SLX4IP: variants seen among roughly 807,000 people sequenced by gnomAD.
SLX4IP encodes protein SLX4IP.
A neutral mutation model predicts 32.9 loss-of-function variants in SLX4IP; 34 were observed. The ratio of observed to expected loss-of-function variants is 1.03; its 90% CI spans 0.79 to 1.38. SLX4IP has a LOEUF of 1.38. Among genes scored for constraint, SLX4IP ranks in the 40% most tolerant of loss-of-function variants. SLX4IP has a pLI of 0.00. For synonymous variants in SLX4IP, 172 were observed against 171.7 expected, an observed-to-expected ratio of 1.00 and a Z score of -0.01; for missense variants, 444 against 479.0, an observed-to-expected ratio of 0.93 and a Z score of 0.68.
At chr20:10,492,916 C>A (rs1277993625) in intron 2 of SLX4IP, among the ~76,000 whole-genome samples, 1 of 152,034 alleles carries the variant, frequency 6.6e-6, no homozygotes, top group Non-Finnish European at 1.5e-5. Flanking sequence ...TACACATTAT[C>A]ATTTGTCTCT....
At chr20:10,463,848 C>T (rs1472167365) in intron 2 of SLX4IP, among the ~76,000 whole-genome samples, 1 of 152,094 alleles carries the variant, frequency 6.6e-6, no homozygotes, top group Non-Finnish European at 1.5e-5. Context: ...GTGGCACAGT[C>T]ATAACTCACT....
chr20:10,471,237 C>A (rs1300980358), intron 2 of SLX4IP, among the ~76,000 whole-genome samples: 14 of 152,128 alleles, frequency 9.2e-5, no homozygotes, highest in East Asian at 1.9e-4. Context: ...TAGTCTAATT[C>A]TTTTCATATG....
chr20:10,485,743 T>C (rs2065567093), intron 2 of SLX4IP, among the ~76,000 whole-genome samples: 1 of 152,194 alleles, frequency 6.6e-6, no homozygotes, highest in South Asian at 2.1e-4. Flanking sequence ...TTATGTTATA[T>C]GTACTATATA....
At chr20:10,588,514 GGAAAT>G (rs1487073312) in intron 4 of SLX4IP, among the ~76,000 whole-genome samples, 7 of 152,122 alleles carry the variant, frequency 4.6e-5, no homozygotes, top group East Asian at 3.9e-4. Context: ...TATATACAAA[GGAAAT>G]GAAACTAGCA....
At chr20:10,512,788 A>C (rs2065821760) in intron 2 of SLX4IP, among the ~76,000 whole-genome samples, 1 of 12,814 alleles carries the variant, frequency 7.8e-5, no homozygotes, top group Non-Finnish European at 1.7e-4. Context: ...CTATATATAT[A>C]TATATATATA....
chr20:10,453,239 C>A (rs1359717532), intron 1 of SLX4IP, among the ~76,000 whole-genome samples: 1 of 152,098 alleles, frequency 6.6e-6, no homozygotes, highest in Non-Finnish European at 1.5e-5. Context: ...TATTCTTCTG[C>A]TGTTTAGCTT....
At position 10,477,170 on chromosome 20, in the gene SLX4IP, C is replaced by CT. The variant is rs57127775; in HGVS notation, c.27+18949dup. On this transcript the variant is annotated intron_variant, in intron 2 of 7. Transcript: ENST00000334534. ...CTGACCTGACTGTGAAGGGAATTCT[C>CT]TTTTTTTTTTGAGACGGAGTTTCGC... is the stretch of plus-strand genomic sequence containing the variant. Among the ~76,000 whole-genome samples the CT allele has an allele frequency of 1.1e-3, 172 of 150,400 alleles. 1 individual carries two copies. The highest frequency in any genetic ancestry group is 7.9e-3 in the East Asian group (40 of 5,084).
intron 1 of SLX4IP, among the ~76,000 whole-genome samples, chr20:10,457,880 G>C (rs1284175343): frequency 2.0e-5 from 3 of 150,256 alleles, no homozygotes; most frequent in Non-Finnish European, 4.4e-5. Flanking sequence ...GTCTTGCTGT[G>C]TTGCCTAGTT....
intron 2 of SLX4IP, among the ~76,000 whole-genome samples, chr20:10,551,637 A>G (rs1259500078): frequency 6.6e-6 from 1 of 152,248 alleles, no homozygotes; most frequent in Non-Finnish European, 1.5e-5. Flanking sequence ...CACTTAATGT[A>G]GAAATAAATA....
intron 4 of SLX4IP, among the ~76,000 whole-genome samples, chr20:10,589,748 G>A (rs1041627057): frequency 4.0e-5 from 6 of 151,898 alleles, no homozygotes; most frequent in South Asian, 2.1e-4. Flanking sequence ...ATATGATTTC[G>A]TTTTTGTAGA....
intron 2 of SLX4IP, among the ~76,000 whole-genome samples, chr20:10,515,838 A>G (rs1481732723): frequency 6.6e-6 from 1 of 152,074 alleles, no homozygotes; most frequent in Non-Finnish European, 1.5e-5. Context: ...TTTACACCTG[A>G]TTTTGCTGTG....
chr20:10,623,452 G>C lies in SLX4IP; in HGVS notation c.*73G>C. The stretch of plus-strand genomic sequence containing the variant: ...CTGTGACAAGAGAGCTGCGAATATA[G>C]ATGCCGGGATTTTAAAGGAATTAAT... On this transcript the variant is annotated 3_prime_UTR_variant, in exon 8 of 8. Transcript: ENST00000334534. 2 of 1,514,298 alleles carry C rather than the reference G, an allele frequency of 1.3e-6. No homozygotes were observed. The highest frequency in any genetic ancestry group is 1.8e-6 in the Non-Finnish European group (2 of 1,133,824). 93.8% of individuals were successfully genotyped at this position (1,514,298 alleles called of 1,614,324 possible).
intron 2 of SLX4IP, among the ~76,000 whole-genome samples, chr20:10,542,361 C>G (rs2066116966): frequency 6.6e-6 from 1 of 152,220 alleles, no homozygotes; most frequent in Admixed American, 6.5e-5. Context: ...ATCTGGTTCT[C>G]TATCCCTTAA....
At chr20:10,545,116 TG>T (rs1166886975) in intron 2 of SLX4IP, among the ~76,000 whole-genome samples, 5 of 152,152 alleles carry the variant, frequency 3.3e-5, no homozygotes, top group Non-Finnish European at 5.9e-5. Flanking sequence ...GGGAACCGGC[TG>T]CTGGTACTCT....
chr20:10,462,367 G>T (rs1164425526), intron 2 of SLX4IP, among the ~76,000 whole-genome samples: 1 of 152,218 alleles, frequency 6.6e-6, no homozygotes, highest in Non-Finnish European at 1.5e-5. Flanking sequence ...ATGAAAAAGA[G>T]TTGTGCTAAG....
At chr20:10,515,933 G>T (rs1245721792) in intron 2 of SLX4IP, among the ~76,000 whole-genome samples, 1 of 151,968 alleles carries the variant, frequency 6.6e-6, no homozygotes, top group Non-Finnish European at 1.5e-5. Context: ...CTGTTACCTG[G>T]GTTGGAGTAC....
intron 6 of SLX4IP, among the ~76,000 whole-genome samples, chr20:10,610,683 G>A (rs1021065013): frequency 2.6e-5 from 4 of 152,214 alleles, no homozygotes; most frequent in African/African-American, 9.7e-5. Flanking sequence ...GTCATCTTTA[G>A]AGAAAAACAA....
chr20:10,619,435 A>G (rs558289808), intron 6 of SLX4IP, among the ~76,000 whole-genome samples: 1 of 152,074 alleles, frequency 6.6e-6, no homozygotes, highest in South Asian at 2.1e-4. Context: ...TTTAAACTGA[A>G]TTTTAAAAAT....
chr20:10,464,563 T>C (rs1237748335), intron 2 of SLX4IP, among the ~76,000 whole-genome samples: 4 of 152,086 alleles, frequency 2.6e-5, no homozygotes, highest in African/African-American at 9.7e-5. Flanking sequence ...AGGAATTAAT[T>C]AACTTATGCA....
Sources: allele counts gnomAD v4.1 joint callset (sites outside exome capture counted in the v4.1 genomes callset), GRCh38; gene constraint gnomAD v4.1.1; transcripts MANE v1.5; gene names NCBI Gene and HGNC (gene_info 2026-07-23, HGNC 2026-07-21).